The following ST18 variants were observed in gnomAD, a reference collection of about 807,000 sequenced individuals.
ST18 encodes the protein suppression of tumorigenicity 18 protein.
A neutral mutation model predicts 110.0 loss-of-function variants in ST18; 50 were observed. That is an observed-to-expected ratio of 0.45 (90% CI 0.36 to 0.58). The LOEUF is 0.58. Among genes scored for constraint, ST18 ranks in the 20% least tolerant of loss-of-function variants. The pLI is 0.00. For synonymous variants in ST18, 461 were observed against 452.4 expected (o/e 1.02, Z -0.24); for missense variants, 1,306 against 1,280.1 (o/e 1.02, Z -0.31).
rs73681232 is a variant in ST18, at chr8:52,256,743, G to A, written c.-464-26666C>T. 9.1e-3 allele frequency among the ~76,000 whole-genome samples: 1,391 copies of A among 152,206 alleles called. 23 individuals carry two copies. Among genetic ancestry groups the A allele is most frequent in the African/African-American group, 0.031 (1,277 of 41,532 alleles). On this transcript the variant is annotated intron_variant, in intron 2 of 25. Coordinates refer to ENST00000689386, the MANE Select transcript of ST18 (RefSeq NM_001352837.2). ...GACTTTAATGAATATCATTATCATA[G>A]AAATAAAGTCACCTAATAATAGGAA...
intron 2 of ST18, among the ~76,000 whole-genome samples, chr8:52,288,885 T>C (rs1008800952): frequency 2.6e-5 from 4 of 151,746 alleles, no homozygotes; most frequent in African/African-American, 9.7e-5. Flanking sequence ...AGAGTGAAGG[T>C]GAGAAATCTT....
intron 2 of ST18, among the ~76,000 whole-genome samples, chr8:52,232,638 T>C (rs547585668): frequency 6.6e-6 from 1 of 152,264 alleles, no homozygotes; most frequent in Admixed American, 6.5e-5. Context: ...TGGAAACATT[T>C]TAGTCTAATA....
intron 7 of ST18, among the ~76,000 whole-genome samples, chr8:52,212,384 A>T (rs1259905701): frequency 6.6e-6 from 1 of 152,210 alleles, no homozygotes; most frequent in Non-Finnish European, 1.5e-5. Context: ...TTGAAAATTC[A>T]CAGGAGCACA....
chr8:52,373,940 G>A (rs1461453414), intron 2 of ST18, among the ~76,000 whole-genome samples: 1 of 151,950 alleles, frequency 6.6e-6, no homozygotes, highest in Non-Finnish European at 1.5e-5. Context: ...ACATCCTCCT[G>A]GGGTGTGCAC....
At chr8:52,240,954 AC>A (rs1315329988) in intron 2 of ST18, among the ~76,000 whole-genome samples, 1 of 151,914 alleles carries the variant, frequency 6.6e-6, no homozygotes, top group East Asian at 1.9e-4. Flanking sequence ...CAACATCACC[AC>A]CCGGTTGTCT....
At chr8:52,131,303 T>G (rs926160901) in intron 22 of ST18, among the ~76,000 whole-genome samples, 1 of 152,150 alleles carries the variant, frequency 6.6e-6, no homozygotes, top group Non-Finnish European at 1.5e-5. Flanking sequence ...TAGGGAAGCT[T>G]CTAATCTTTC....
At chr8:52,391,222 G>T (rs1384711516) in intron 2 of ST18, among the ~76,000 whole-genome samples, 1 of 152,046 alleles carries the variant, frequency 6.6e-6, no homozygotes, top group Non-Finnish European at 1.5e-5. Flanking sequence ...CATTCTCCTG[G>T]GTAAATACTG....
intron 2 of ST18, among the ~76,000 whole-genome samples, chr8:52,301,651 T>C (rs1435133701): frequency 6.6e-6 from 1 of 152,210 alleles, no homozygotes. Flanking sequence ...TAAGAAAAGA[T>C]AAATTATTGT....
chr8:52,195,101 A>G (rs2075788528), intron 8 of ST18, among the ~76,000 whole-genome samples: 1 of 152,198 alleles, frequency 6.6e-6, no homozygotes, highest in African/African-American at 2.4e-5. Flanking sequence ...CTGCATAGCC[A>G]TGGATTAGCT....
chr8:52,196,746 G>T (rs1175227898), intron 8 of ST18, among the ~76,000 whole-genome samples: 1 of 152,248 alleles, frequency 6.6e-6, no homozygotes, highest in South Asian at 2.1e-4. Flanking sequence ...TGTATATAGG[G>T]TTTGGTACTA....
chr8:52,176,776 C>T (rs2067123841), intron 9 of ST18, among the ~76,000 whole-genome samples: 1 of 152,156 alleles, frequency 6.6e-6, no homozygotes, highest in Non-Finnish European at 1.5e-5. Flanking sequence ...CTGAAAGTCA[C>T]AACATATTTT....
intron 2 of ST18, among the ~76,000 whole-genome samples, chr8:52,285,616 G>C (rs992696983): frequency 1.3e-5 from 2 of 152,222 alleles, no homozygotes; most frequent in African/African-American, 2.4e-5. Flanking sequence ...TTCAATCTGA[G>C]AGCCTGGGGA....
chr8:52,365,631 A>G (rs1265887613), intron 2 of ST18, among the ~76,000 whole-genome samples: 2 of 151,974 alleles, frequency 1.3e-5, no homozygotes, highest in African/African-American at 4.8e-5. Context: ...ACTATAACAC[A>G]TCAATAAAGA....
intron 2 of ST18, among the ~76,000 whole-genome samples, chr8:52,336,366 G>A (rs559726292): frequency 3.8e-4 from 58 of 152,188 alleles, no homozygotes; most frequent in South Asian, 2.3e-3. Context: ...GACCAGGCTG[G>A]TCTCAAACTC....
At chr8:52,364,562 A>G (rs1326220857) in intron 2 of ST18, among the ~76,000 whole-genome samples, 1 of 152,252 alleles carries the variant, frequency 6.6e-6, no homozygotes, top group African/African-American at 2.4e-5. Context: ...TGTGGAGTCA[A>G]TGAAGACATT....
chr8:52,367,236 T>TCTCACACACACACACACACA (rs1554851169), intron 2 of ST18, among the ~76,000 whole-genome samples: 3 of 120,190 alleles, frequency 2.5e-5, no homozygotes, highest in African/African-American at 6.1e-5. Context: ...GGACCCTGTC[T>TCTCACACACACACACACACA]CACACACACA....
chr8:52,359,685 A>G (rs764606345), intron 2 of ST18, among the ~76,000 whole-genome samples: 14 of 152,160 alleles, frequency 9.2e-5, no homozygotes, highest in Non-Finnish European at 1.5e-4. Flanking sequence ...CAGGATTTTA[A>G]TCCAAAGAGT....
In ST18 at chr8:52,323,730, C is replaced by T. The variant is rs556392730; in HGVS notation, c.-465+85598G>A. Among the ~76,000 whole-genome samples the T allele has an allele frequency of 3.5e-4, 53 of 152,250 alleles. No individual in the cohort carries two copies. The South Asian group carries it at 8.3e-3, about 24-fold the overall frequency. On this transcript the variant is annotated intron_variant, in intron 2 of 25. Coordinates refer to ENST00000689386, the MANE Select transcript of ST18 (RefSeq NM_001352837.2). ...TAATCCATAGCTCAGAGACTCTGGGCGAGGGGGAGGCTGGGTGGGGTGGCA... is the reference window on the plus strand; with the variant it reads ...TAATCCATAGCTCAGAGACTCTGGGTGAGGGGGAGGCTGGGTGGGGTGGCA...
chr8:52,122,182 T>C (rs1204615247), intron 23 of ST18, among the ~76,000 whole-genome samples: 1 of 152,130 alleles, frequency 6.6e-6, no homozygotes, highest in Non-Finnish European at 1.5e-5. Context: ...TGACTTTGAT[T>C]CTTTATATAA....
Sources: gnomAD v4.1 joint callset for allele counts (sites outside exome capture counted in the v4.1 genomes callset) on GRCh38, gnomAD v4.1.1 for gene constraint, MANE v1.5 for transcripts, NCBI Gene and HGNC (gene_info 2026-07-23, HGNC 2026-07-21) for gene names.